The following RBFOX3 variants were observed in gnomAD, a reference collection of about 807,000 sequenced individuals.
RBFOX3 encodes the protein RNA binding protein fox-1 homolog 3.
A neutral mutation model predicts 48.7 loss-of-function variants in RBFOX3; 17 were observed. The ratio of observed to expected loss-of-function variants is 0.35; its 90% CI spans 0.24 to 0.52. The LOEUF (loss-of-function observed/expected upper bound fraction) is 0.52, where lower values mean the gene tolerates loss of function less well. Among genes scored for constraint, RBFOX3 ranks in the 20% least tolerant of loss-of-function variants. RBFOX3 has a pLI of 0.94. For missense variants in RBFOX3, 382 were observed against 497.5 expected, an observed-to-expected ratio of 0.77 and a Z score of 2.21; for synonymous variants, 212 against 209.5, an observed-to-expected ratio of 1.01 and a Z score of -0.10.
intron 4 of RBFOX3, among the ~76,000 whole-genome samples, chr17:79,228,224 G>GCA (rs2060559501): frequency 6.6e-6 from 1 of 152,144 alleles, no homozygotes; most frequent in Non-Finnish European, 1.5e-5. Context: ...GGCTCTCCGT[G>GCA]TTCCCTCCGG....
chr17:79,606,070 G>A (rs2093823390), intron 1 of RBFOX3, among the ~76,000 whole-genome samples: 2 of 152,238 alleles, frequency 1.3e-5, no homozygotes, highest in Admixed American at 1.3e-4. Flanking sequence ...TTCGAGTGCA[G>A]TGAGTTGGCA....
intron 2 of RBFOX3, among the ~76,000 whole-genome samples, chr17:79,326,172 C>T (rs1401663841): frequency 6.6e-6 from 1 of 152,012 alleles, no homozygotes; most frequent in Non-Finnish European, 1.5e-5. Flanking sequence ...ATCAGGAGGC[C>T]GGGGATGGGG....
At chr17:79,654,726 G>A in the RBFOX3 span, among the ~76,000 whole-genome samples, 1 of 152,200 alleles carries the variant, frequency 6.6e-6, no homozygotes. Context: ...TTGCAGGGGA[G>A]GGCCCCTTTT....
rs1598868933 is a variant in RBFOX3, at chr17:79,477,686, A to C, written c.-175+4768T>G. Among the ~76,000 whole-genome samples, 1 of 152,212 alleles carries C rather than the reference A, an allele frequency of 6.6e-6. No homozygotes were observed. Among genetic ancestry groups the C allele is most frequent in the Non-Finnish European group, 1.5e-5 (1 of 68,036 alleles). On this transcript the variant is annotated intron_variant, in intron 2 of 14. Coordinates refer to ENST00000693108, the MANE Select transcript of RBFOX3 (RefSeq NM_001350451.2). This position sits in a 1 kb window ranked among gnomAD's most constrained non-coding sequence, Gnocchi z 4.8. ...CTCAGAGCTTGCTCTGGTGGTGAAC[A>C]AGCAAAGGGGCAGGGTGGCAGAATT...
rs149627962 is a variant in RBFOX3, at chr17:79,135,647, C to T, written c.-33-19899G>A. Reference sequence around the variant, plus strand: ...ATTCCCTGTGGCATGTCCCATCCCACCCCCATACAGGATCTCTGTGGGACC... The same window carrying T: ...ATTCCCTGTGGCATGTCCCATCCCATCCCCATACAGGATCTCTGTGGGACC... On this transcript the variant is annotated intron_variant, in intron 4 of 14. Coordinates refer to ENST00000693108, the MANE Select transcript of RBFOX3 (RefSeq NM_001350451.2). Among the ~76,000 whole-genome samples the T allele has an allele frequency of 1.5e-3, 233 of 152,314 alleles. 1 individual carries two copies. The highest frequency in any genetic ancestry group is 5.4e-3 in the African/African-American group (225 of 41,570).
chr17:79,143,974 G>T (rs564382195), intron 4 of RBFOX3, among the ~76,000 whole-genome samples: 1 of 152,240 alleles, frequency 6.6e-6, no homozygotes, highest in South Asian at 2.1e-4. Flanking sequence ...TGGCCACGAA[G>T]GGGGACAGAC....
At position 79,371,431 on chromosome 17, in the gene RBFOX3, G is replaced by T. The variant is rs529456010; in HGVS notation, c.-174-63607C>A. ...CGCCCTCCCCTTTCCTGCTCCCTGT[G>T]GGGGCAAGAGCTCCCTGGCTGCAGA... On this transcript the variant is annotated intron_variant, in intron 2 of 14. Transcript: ENST00000693108. 9.8e-5 allele frequency among the ~76,000 whole-genome samples: 15 copies of T among 152,302 alleles called. No individual in the cohort carries two copies. In the East Asian group the frequency reaches 1.5e-3, roughly 16 times the overall value.
At chr17:79,592,436 C>T (rs1359903543) in intron 1 of RBFOX3, among the ~76,000 whole-genome samples, 3 of 151,010 alleles carry the variant, frequency 2.0e-5, no homozygotes, top group African/African-American at 7.3e-5. Context: ...GTGGTGCGTG[C>T]ATATGTGTGT....
At chr17:79,341,529 G>A (rs893673627) in intron 2 of RBFOX3, among the ~76,000 whole-genome samples, 1 of 152,150 alleles carries the variant, frequency 6.6e-6, no homozygotes, top group Non-Finnish European at 1.5e-5. Context: ...GGTGTTGGAA[G>A]CCAGGGGAGC....
chr17:79,213,750 C>T (rs1486201595), intron 4 of RBFOX3, among the ~76,000 whole-genome samples: 1 of 152,218 alleles, frequency 6.6e-6, no homozygotes, highest in Non-Finnish European at 1.5e-5. Context: ...TAAAATCTCT[C>T]CTCCTCTCTT....
intron 1 of RBFOX3, among the ~76,000 whole-genome samples, chr17:79,520,007 A>T (rs2085831830): frequency 1.3e-5 from 2 of 152,146 alleles, no homozygotes; most frequent in African/African-American, 4.8e-5. Context: ...GAGTCCTAGC[A>T]ACCCTCAACC....
intron 3 of RBFOX3, among the ~76,000 whole-genome samples, chr17:79,265,276 G>A (rs961165974): frequency 2.6e-5 from 4 of 152,174 alleles, no homozygotes; most frequent in East Asian, 1.9e-4. Context: ...TGTCCTCCCC[G>A]AAGCCGGCCC....
the RBFOX3 span, among the ~76,000 whole-genome samples, chr17:79,647,113 G>T: frequency 6.6e-6 from 1 of 151,780 alleles, no homozygotes; most frequent in Non-Finnish European, 1.5e-5. Flanking sequence ...TGAGTGAGAG[G>T]ACTTCATCTG....
At chr17:79,232,219 C>G (rs764204111) in intron 4 of RBFOX3, among the ~76,000 whole-genome samples, 4 of 152,162 alleles carry the variant, frequency 2.6e-5, no homozygotes, top group Non-Finnish European at 4.4e-5. Flanking sequence ...CTTATAGATT[C>G]AATTCAATCC....
intron 4 of RBFOX3, among the ~76,000 whole-genome samples, chr17:79,120,840 C>G (rs1024037314): frequency 6.6e-6 from 1 of 152,030 alleles, no homozygotes; most frequent in South Asian, 2.1e-4. Context: ...ACTTGCCCCC[C>G]TCTTCTATCA....
rs540658246 is a variant in RBFOX3 at position 79,308,286 on chromosome 17, G to T, written c.-174-462C>A. On this transcript the variant is annotated intron_variant, in intron 2 of 14. Transcript: ENST00000693108. ...GCTGGGCTGCATCCTAGAGGAAATT[G>T]TAACGGCCGGCGTGGGTTGAGCAGC... Among the ~76,000 whole-genome samples the T allele has an allele frequency of 8.3e-4, 126 of 152,324 alleles. 1 individual carries two copies. In the Middle Eastern group the frequency reaches 0.031, roughly 37 times the overall value.
chr17:79,547,133 T>A (rs570919046), intron 1 of RBFOX3, among the ~76,000 whole-genome samples: 1 of 152,288 alleles, frequency 6.6e-6, no homozygotes, highest in African/African-American at 2.4e-5. Flanking sequence ...GCCCTGGGGT[T>A]CAGAGATAAA....
Position 79,090,884 on chromosome 17 carries a change from C to T in RBFOX3, c.1079G>A (p.Ter360=). The T allele has an allele frequency of 6.5e-7, 1 of 1,534,560 alleles. No individual in the cohort carries two copies. The highest frequency in any genetic ancestry group is 1.2e-5 in the South Asian group (1 of 81,944). Residue 360 remains the stop codon, a splice_region_variant and stop_retained_variant, in exon 15 of 15, where the codon TGA becomes TAA. Transcript: ENST00000693108. ...CCGAGAAGGAAACGGTGGAAGGTTT[C>T]ACTACAACAGAAACAGAAAGGCAGG... The part of the protein sequence containing the change: ...PAATYSIGTM[*]
chr17:79,249,727 GC>G lies in RBFOX3; in HGVS notation c.-73-13923del, dbSNP rs1009564566. Among the ~76,000 whole-genome samples, 6 of 151,974 alleles carry G rather than the reference GC, an allele frequency of 3.9e-5. No individual in the cohort carries two copies. The highest frequency in any genetic ancestry group is 1.5e-4 in the African/African-American group (6 of 41,362). Reference sequence around the variant, plus strand: ...TAGGGAAACCACAGTCAAGACCCCTGCCCCTGTGAACCCCCATTCCCTCTGC... The same window carrying G: ...TAGGGAAACCACAGTCAAGACCCCTGCCCTGTGAACCCCCATTCCCTCTGC... On this transcript the variant is annotated intron_variant, in intron 3 of 14. Transcript: ENST00000693108. This position sits in a 1 kb window ranked among gnomAD's most constrained non-coding sequence, Gnocchi z 4.1.
Sources: gnomAD v4.1 joint callset for allele counts (sites outside exome capture counted in the v4.1 genomes callset) on GRCh38, gnomAD v4.1.1 for gene constraint, Gnocchi (gnomAD v3.1) non-coding constraint, MANE v1.5 for transcripts, NCBI Gene and HGNC (gene_info 2026-07-23, HGNC 2026-07-21) for gene names.